The following EPM2A variants were observed in gnomAD, a reference collection of about 807,000 sequenced individuals.
EPM2A encodes laforin.
A neutral mutation model predicts 26.5 loss-of-function variants in EPM2A; 21 were observed. The observed-to-expected ratio is 0.79, with a 90% confidence interval of 0.56 to 1.14. The LOEUF is 1.14. Among genes scored for constraint, EPM2A ranks in the 50% most tolerant of loss-of-function variants. EPM2A has a pLI of 0.00. For missense variants in EPM2A, 458 were observed against 440.8 expected (o/e 1.04, Z -0.35); for synonymous variants, 217 against 177.6 (o/e 1.22, Z -1.76).
intron 2 of EPM2A, among the ~76,000 whole-genome samples, chr6:145,675,266 A>C (rs1029617740): frequency 2.0e-5 from 3 of 152,246 alleles, no homozygotes; most frequent in Admixed American, 2.0e-4. Context: ...GGCCTGCCTT[A>C]CAAGATCTCC....
chr6:145,445,247 C>A (rs1158859690), intron 4 of EPM2A, among the ~76,000 whole-genome samples: 1 of 152,072 alleles, frequency 6.6e-6, no homozygotes, highest in East Asian at 1.9e-4. Flanking sequence ...AATGATTAAT[C>A]TTTATCACCT....
chr6:145,719,813 T>C (rs1394414262), intron 1 of EPM2A, among the ~76,000 whole-genome samples: 1 of 152,148 alleles, frequency 6.6e-6, no homozygotes, highest in Non-Finnish European at 1.5e-5. Context: ...AGTTCTTCCA[T>C]GAGTTGAATA....
chr6:145,419,191 C>G lies in EPM2A; in HGVS notation c.556-35094G>C, dbSNP rs377229463. Among the ~76,000 whole-genome samples the G allele has an allele frequency of 7.3e-3, 1,037 of 141,574 alleles. 28 individuals carry two copies. Among genetic ancestry groups the G allele is most frequent in the African/African-American group, 0.024 (939 of 39,722 alleles). The allele number at this position is 141,574 out of a possible 152,430, so 92.9% of individuals were successfully genotyped here. On this transcript the variant is annotated intron_variant, in intron 4 of 4. Transcript: ENST00000638717. ...AATTCTGTTAAATGTCCCCCCCCCC[C>G]GCTCCTTTCCCCAGCAGCGCATGGC...
At chr6:145,438,469 A>ATTTTTTTTTTTTTTTTTTTTT (rs68038397) in intron 4 of EPM2A, among the ~76,000 whole-genome samples, 3 of 117,214 alleles carry the variant, frequency 2.6e-5, no homozygotes, top group African/African-American at 3.0e-5. Flanking sequence ...GAAGGGAATA[A>ATTTTTTTTTTTTTTTTTTTTT]TTTTTTTTTT....
At chr6:145,395,905 G>A (rs1778399365) in intron 4 of EPM2A, among the ~76,000 whole-genome samples, 2 of 152,094 alleles carry the variant, frequency 1.3e-5, no homozygotes, top group African/African-American at 4.8e-5. Flanking sequence ...CCTCGGCCAG[G>A]TGCCTAATCT....
intron 2 of EPM2A, among the ~76,000 whole-genome samples, chr6:145,617,164 T>C (rs1194637361): frequency 6.6e-6 from 1 of 152,188 alleles, no homozygotes; most frequent in Non-Finnish European, 1.5e-5. Context: ...GGGCAGGTCT[T>C]TTCTGTGCTG....
intron 4 of EPM2A, among the ~76,000 whole-genome samples, chr6:145,437,986 G>GA (rs1779010477): frequency 1.3e-5 from 2 of 152,196 alleles, no homozygotes; most frequent in Non-Finnish European, 2.9e-5. Flanking sequence ...CACAAAACTG[G>GA]TAAGACATTT....
intron 2 of EPM2A, among the ~76,000 whole-genome samples, chr6:145,524,200 T>G (rs1216419774): frequency 6.6e-6 from 1 of 152,208 alleles, no homozygotes; most frequent in Admixed American, 6.5e-5. Flanking sequence ...TTGATGGGCA[T>G]CTAGGTTAAT....
intron 1 of EPM2A, among the ~76,000 whole-genome samples, chr6:145,732,347 T>C (rs7761251): frequency 0.066 from 9,980 of 151,548 alleles, 1,122 homozygotes; most frequent in African/African-American, 0.22. Context: ...ACTTTCTATG[T>C]AACAGAAAGT....
chr6:145,492,340 G>A (rs760018369), intron 4 of EPM2A, among the ~76,000 whole-genome samples: 1 of 152,150 alleles, frequency 6.6e-6, no homozygotes, highest in Non-Finnish European at 1.5e-5. Flanking sequence ...AATTCTGTGC[G>A]GCCCCCACAG....
intron 2 of EPM2A, among the ~76,000 whole-genome samples, chr6:145,671,704 TA>T (rs1779656829): frequency 6.6e-6 from 1 of 152,202 alleles, no homozygotes; most frequent in South Asian, 2.1e-4. Flanking sequence ...TTCATTCATT[TA>T]AAAGAATGCC....
intron 2 of EPM2A, among the ~76,000 whole-genome samples, chr6:145,552,647 T>C (rs1207557979): frequency 6.6e-6 from 1 of 152,118 alleles, no homozygotes; most frequent in Non-Finnish European, 1.5e-5. Flanking sequence ...TGTGCAAATA[T>C]ATTGATAAAT....
chr6:145,690,939 C>T (rs1443389753), intron 1 of EPM2A, among the ~76,000 whole-genome samples: 1 of 150,274 alleles, frequency 6.7e-6, no homozygotes, highest in Middle Eastern at 3.5e-3. Flanking sequence ...GGAAATTACC[C>T]AATCTAAACA....
chr6:145,438,752 G>C (rs534682171), intron 4 of EPM2A, among the ~76,000 whole-genome samples: 6 of 152,118 alleles, frequency 3.9e-5, no homozygotes, highest in Non-Finnish European at 8.8e-5. Flanking sequence ...GATTACAGGC[G>C]TGAGCCATTG....
At chr6:145,543,414 C>A (rs927340389) in intron 2 of EPM2A, among the ~76,000 whole-genome samples, 25 of 152,108 alleles carry the variant, frequency 1.6e-4, no homozygotes, top group Non-Finnish European at 7.4e-5. Flanking sequence ...CAAAAAAGGT[C>A]TTGATGGAAG....
chr6:145,435,607 A>G (rs1582753021), intron 4 of EPM2A, among the ~76,000 whole-genome samples: 1 of 151,820 alleles, frequency 6.6e-6, no homozygotes, highest in African/African-American at 2.4e-5. Context: ...TTATACTTTA[A>G]GTTGTAGGGT....
intron 2 of EPM2A, among the ~76,000 whole-genome samples, chr6:145,655,346 T>G (rs1353342187): frequency 6.6e-6 from 1 of 152,176 alleles, no homozygotes; most frequent in African/African-American, 2.4e-5. Flanking sequence ...AAAAGTTACT[T>G]GCGTGTACCT....
intron 3 of EPM2A, chr6:145,629,093 T>G (rs1776049087): frequency 6.6e-6 from 1 of 152,300 alleles, no homozygotes; most frequent in African/African-American, 2.4e-5. Flanking sequence ...GGAGCTCTGT[T>G]AACCCCCTAG....
intron 4 of EPM2A, among the ~76,000 whole-genome samples, chr6:145,416,712 G>T (rs1007777293): frequency 6.6e-6 from 1 of 152,008 alleles, no homozygotes; most frequent in Non-Finnish European, 1.5e-5. Context: ...AAACTGTTTT[G>T]ACTGCTTTTA....
Sources: allele counts gnomAD v4.1 joint callset (sites outside exome capture counted in the v4.1 genomes callset), GRCh38; gene constraint gnomAD v4.1.1; transcripts MANE v1.5; gene names NCBI Gene and HGNC (gene_info 2026-07-23, HGNC 2026-07-21).